The following PCDH15 variants were observed in gnomAD, a reference collection of about 807,000 sequenced individuals.
The protein encoded by PCDH15 is protocadherin-15.
PCDH15 carries 129 observed loss-of-function variants against 178.5 expected under a neutral mutation model. The ratio of observed to expected loss-of-function variants is 0.72; its 90% CI spans 0.63 to 0.84. The LOEUF (loss-of-function observed/expected upper bound fraction) is 0.84. Ranked by LOEUF, PCDH15 falls within the 40% of genes least tolerant of loss-of-function variation. PCDH15 has a pLI of 0.00. For synonymous variants in PCDH15, 800 were observed against 732.0 expected (o/e 1.09, Z -1.50); for missense variants, 2,230 against 2,099.9 (o/e 1.06, Z -1.21).
intron 2 of PCDH15, among the ~76,000 whole-genome samples, chr10:55,560,803 T>G (rs956246637): frequency 6.6e-6 from 1 of 151,844 alleles, no homozygotes; most frequent in East Asian, 1.9e-4. Context: ...TTTTAGCCAA[T>G]GATGTTAGAT....
At chr10:54,754,264 T>C (rs568490511) in intron 1 of PCDH15, among the ~76,000 whole-genome samples, 2 of 152,130 alleles carry the variant, frequency 1.3e-5, no homozygotes, top group Non-Finnish European at 2.9e-5. Flanking sequence ...CTAGTTTGAG[T>C]GAAATTCTTG....
chr10:54,319,805 G>T (rs1444483947), intron 7 of PCDH15, among the ~76,000 whole-genome samples: 1 of 150,688 alleles, frequency 6.6e-6, no homozygotes, highest in Non-Finnish European at 1.5e-5. Flanking sequence ...AGTCCCTCTT[G>T]TTAAACATGG....
chr10:55,619,909 C>G (rs1179219214), intron 2 of PCDH15, among the ~76,000 whole-genome samples: 1 of 151,978 alleles, frequency 6.6e-6, no homozygotes, highest in Admixed American at 6.6e-5. Flanking sequence ...TAAATTTTTG[C>G]CTAGCACAGT....
intron 2 of PCDH15, among the ~76,000 whole-genome samples, chr10:55,566,638 T>A (rs1842308065): frequency 6.6e-6 from 1 of 151,540 alleles, no homozygotes; most frequent in Admixed American, 6.6e-5. Flanking sequence ...ATCTATACAA[T>A]AACAAAGAAT....
At chr10:55,240,187 A>G (rs1238439932) in intron 1 of PCDH15, among the ~76,000 whole-genome samples, 1 of 152,202 alleles carries the variant, frequency 6.6e-6, no homozygotes, top group African/African-American at 2.4e-5. Context: ...ATATATATTC[A>G]AAAGAAAGGA....
chr10:55,092,161 G>A (rs1215919132), intron 2 of PCDH15, among the ~76,000 whole-genome samples: 1 of 151,584 alleles, frequency 6.6e-6, no homozygotes, highest in African/African-American at 2.4e-5. Context: ...AATTTTCCTT[G>A]TGCTAATATT....
At chr10:54,852,254 TCTTG>T (rs1953635601) in intron 3 of PCDH15, among the ~76,000 whole-genome samples, 4 of 66,426 alleles carry the variant, frequency 6.0e-5, no homozygotes, top group African/African-American at 2.5e-4. Context: ...ATGGTTTTAT[TCTTG>T]CTGAGTTCTT....
At chr10:55,046,843 A>G (rs969794975) in intron 2 of PCDH15, among the ~76,000 whole-genome samples, 1 of 152,022 alleles carries the variant, frequency 6.6e-6, no homozygotes, top group African/African-American at 2.4e-5. Flanking sequence ...AAAAAATCAT[A>G]TCACTGATTT....
At chr10:54,513,083 T>C (rs1443571094) in intron 3 of PCDH15, among the ~76,000 whole-genome samples, 1 of 151,996 alleles carries the variant, frequency 6.6e-6, no homozygotes, top group Admixed American at 6.6e-5. Context: ...TTTTTCATTT[T>C]ATGAAATATT....
intron 3 of PCDH15, among the ~76,000 whole-genome samples, chr10:54,408,167 A>T (rs2096172): frequency 0.21 from 27,058 of 130,514 alleles, 2,739 homozygotes; most frequent in African/African-American, 0.29. Context: ...CTGTTTTTTT[A>T]AAAAAAAAAA....
chr10:54,123,204 A>C (rs540051757), intron 15 of PCDH15, among the ~76,000 whole-genome samples: 51 of 152,296 alleles, frequency 3.3e-4, no homozygotes, highest in African/African-American at 1.2e-3. Context: ...TCTGCACAGC[A>C]AAAGAAACCA....
In PCDH15 at chr10:55,073,770, T is replaced by A. The variant is rs537850983; in HGVS notation, c.-80+92806A>T. Among the ~76,000 whole-genome samples the A allele has an allele frequency of 2.0e-5, 3 of 152,280 alleles. No individual in the cohort carries two copies. In the South Asian group the frequency reaches 6.2e-4, roughly 32 times the overall value. On this transcript the variant is annotated intron_variant, in intron 2 of 5. Transcript: ENST00000458638. ...GGGAGAATTCAGCAGAGAATTCATCTAACCGTAGGCTTTTTTGGGGGGGAG... is the reference window on the plus strand; with the variant it reads ...GGGAGAATTCAGCAGAGAATTCATCAAACCGTAGGCTTTTTTGGGGGGGAG...
At chr10:53,946,482 C>T (rs1368629674) in intron 23 of PCDH15, among the ~76,000 whole-genome samples, 1 of 152,138 alleles carries the variant, frequency 6.6e-6, no homozygotes, top group African/African-American at 2.4e-5. Context: ...TGAAATCATA[C>T]AGTATGTAGT....
At chr10:54,991,047 T>G (rs1486669418) in intron 2 of PCDH15, among the ~76,000 whole-genome samples, 1 of 152,294 alleles carries the variant, frequency 6.6e-6, no homozygotes, top group East Asian at 1.9e-4. Context: ...AAGTTTCTAT[T>G]TCTTGCTTTG....
At position 53,855,922 on chromosome 10, in the gene PCDH15, G is replaced by A. The variant is rs7910198; in HGVS notation, c.3806+1253C>T. ...GTGATATGTATATATATATATATAT[G>A]TATGTGTGTGTGTGTAATGAAATAG... On this transcript the variant is annotated intron_variant, in intron 28 of 37. Transcript: ENST00000644397. Among the ~76,000 whole-genome samples, 520 of 75,710 alleles carry A rather than the reference G, an allele frequency of 6.9e-3. 17 individuals carry two copies. The East Asian group carries it at 0.26, about 38-fold the overall frequency. The allele number at this position is 75,710 out of a possible 152,430, so 49.7% of individuals were successfully genotyped here.
intron 2 of PCDH15, among the ~76,000 whole-genome samples, chr10:55,598,537 TATATATATA>T (rs1179760821): frequency 5.1e-5 from 2 of 39,046 alleles, no homozygotes; most frequent in Non-Finnish European, 8.7e-5. Flanking sequence ...TATATATATA[TATATATATA>T]TATATATATA....
In PCDH15 at chr10:54,023,067, T is replaced by G. The variant is rs1476750547; in HGVS notation, c.2351A>C (p.Tyr784Ser). The G allele has an allele frequency of 3.7e-6, 6 of 1,614,024 alleles. No homozygotes were observed. The highest frequency in any genetic ancestry group is 5.1e-6 in the Non-Finnish European group (6 of 1,179,920). ...AVKLNREVRD[Y>S]YELVVVATDG... is the part of the protein sequence containing the mutation. ...TGTTGCCACAACAACAAGTTCATAG[T>G]AGTCCCTGACTTCTCTGTTAAGCTT... Residue 784 changes from tyrosine (Y) to serine (S), a missense_variant, in exon 19 of 38, where the codon TAC becomes TCC. Physicochemically the swap from Tyr to Ser is moderately radical, Grantham distance 144. Coordinates refer to ENST00000644397, the MANE Select transcript of PCDH15 (RefSeq NM_001384140.1).
chr10:54,675,081 T>G (rs940050581), intron 1 of PCDH15, among the ~76,000 whole-genome samples: 2 of 152,082 alleles, frequency 1.3e-5, no homozygotes, highest in Admixed American at 1.3e-4. Flanking sequence ...TTAGTGTCAA[T>G]GCTAATTGTA....
chr10:54,665,627 T>A (rs1467671767), intron 1 of PCDH15, among the ~76,000 whole-genome samples: 4 of 152,088 alleles, frequency 2.6e-5, no homozygotes, highest in African/African-American at 9.7e-5. Flanking sequence ...GTAAGCTCTT[T>A]TTTTAAACTA....
Sources: allele counts gnomAD v4.1 joint callset (sites outside exome capture counted in the v4.1 genomes callset), GRCh38; gene constraint gnomAD v4.1.1; transcripts MANE v1.5; gene names NCBI Gene and HGNC (gene_info 2026-07-23, HGNC 2026-07-21).